Variants in CEP128 observed in about 807,000 individuals in gnomAD.
The protein encoded by CEP128 is centrosomal protein 128kDa.
Under a neutral mutation model 156.7 loss-of-function variants are expected in CEP128, and 132 were observed. The observed-to-expected ratio is 0.84, with a 90% CI of 0.73 to 0.97. The LOEUF (loss-of-function observed/expected upper bound fraction) is 0.97. CEP128 is among the 50% of genes least tolerant of loss of function. The probability of loss-of-function intolerance (pLI) is 0.00; values close to 1 mark genes in which losing one functional copy is unlikely to be tolerated. For synonymous variants in CEP128, 469 were observed against 448.9 expected, an observed-to-expected ratio of 1.04 and a Z score of -0.57; for missense variants, 1,252 against 1,281.9, an observed-to-expected ratio of 0.98 and a Z score of 0.36.
intron 19 of CEP128, among the ~76,000 whole-genome samples, chr14:80,590,754 C>T (rs949252984): frequency 6.6e-6 from 1 of 151,992 alleles, no homozygotes; most frequent in Admixed American, 6.6e-5. Context: ...GTAACAATAT[C>T]TTATGTGCTC....
In CEP128 at chr14:80,743,315, G is replaced by A. The variant is rs766235879; in HGVS notation, c.2614-48C>T. 5.2e-6 allele frequency: 7 copies of A among 1,344,716 alleles called. No homozygotes were observed. In the Admixed American group the frequency reaches 1.2e-4, roughly 23 times the overall value. The allele number at this position is 1,344,716 out of a possible 1,614,324, so 83.3% of individuals were successfully genotyped here. ...AATGGTTAAAGAAACTCAGAAAAGA[G>A]CAGCATTTCAAAACATGAAGAAAAA... On this transcript the variant is annotated intron_variant, in intron 18 of 24. Transcript: ENST00000555265.
At position 80,877,881 on chromosome 14, in the gene CEP128, A is replaced by C. The variant is rs147679711; in HGVS notation, c.646-15008T>G. ...ACAGACAAGACAATACCCACCCCCCACCGCAGGTACCTCAGGCCTCTGGCC... is the reference window on the plus strand; with the variant it reads ...ACAGACAAGACAATACCCACCCCCCCCCGCAGGTACCTCAGGCCTCTGGCC... On this transcript the variant is annotated intron_variant, in intron 8 of 24. Coordinates refer to ENST00000555265, the MANE Select transcript of CEP128 (RefSeq NM_152446.5). 6.6e-4 allele frequency among the ~76,000 whole-genome samples: 98 copies of C among 149,102 alleles called. 1 individual carries two copies. Among genetic ancestry groups the C allele is most frequent in the Middle Eastern group, 3.5e-3 (1 of 288 alleles).
At chr14:80,952,937 G>A (rs1389892238) in intron 2 of CEP128, among the ~76,000 whole-genome samples, 1 of 152,086 alleles carries the variant, frequency 6.6e-6, no homozygotes, top group Non-Finnish European at 1.5e-5. Context: ...AACTGCCCAG[G>A]CTACCTCAAG....
rs371608641 is a variant in CEP128 at position 80,689,743 on chromosome 14, C to T, written c.2806+53332G>A. On this transcript the variant is annotated intron_variant, in intron 19 of 24. Transcript: ENST00000555265. ...ATTTACAAAATTTGTATATAACAGG[C>T]TTATTACATTAGAGGCCAGGGAAGT... is the stretch of plus-strand genomic sequence containing the variant. 2.0e-5 allele frequency among the ~76,000 whole-genome samples: 3 copies of T among 151,944 alleles called. No individual in the cohort carries two copies. The South Asian group carries it at 6.2e-4, about 32-fold the overall frequency.
intron 18 of CEP128, among the ~76,000 whole-genome samples, chr14:80,750,063 A>C (rs775005457): frequency 6.6e-6 from 1 of 152,250 alleles, no homozygotes; most frequent in Non-Finnish European, 1.5e-5. Flanking sequence ...ACAGTTTTTC[A>C]ACCTCCTGTC....
Position 80,863,495 on chromosome 14 carries a change from A to T in CEP128, c.646-622T>A, listed in dbSNP as rs189931576. Among the ~76,000 whole-genome samples the T allele has an allele frequency of 4.2e-3, 640 of 152,274 alleles. 8 individuals are homozygous for T. Among genetic ancestry groups the T allele is most frequent in the African/African-American group, 0.015 (610 of 41,552 alleles). ...GTCAAACTGAAAATGTTTAATCAGG[A>T]CTCTAAACGTGAAAGAATTTTTCTC... On this transcript the variant is annotated intron_variant, in intron 8 of 24. Transcript: ENST00000555265.
intron 16 of CEP128, among the ~76,000 whole-genome samples, chr14:80,770,518 A>C (rs1900460639): frequency 1.3e-5 from 2 of 152,192 alleles, no homozygotes; most frequent in Admixed American, 1.3e-4. Flanking sequence ...TCTCTGTAAA[A>C]GTCAAGGAGT....
At chr14:80,710,684 C>T (rs1897369445) in intron 19 of CEP128, among the ~76,000 whole-genome samples, 2 of 152,046 alleles carry the variant, frequency 1.3e-5, no homozygotes, top group African/African-American at 4.8e-5. Context: ...CTACATCAAC[C>T]TGTCCAAATG....
At chr14:80,704,136 C>T (rs1022913116) in intron 19 of CEP128, among the ~76,000 whole-genome samples, 12 of 151,988 alleles carry the variant, frequency 7.9e-5, no homozygotes, top group Non-Finnish European at 1.8e-4. Flanking sequence ...TTCCTTACCA[C>T]ACAATTAAAT....
At chr14:80,784,696 G>GA (rs1901302531) in intron 15 of CEP128, among the ~76,000 whole-genome samples, 199 bp downstream of exon 15, 1 of 152,186 alleles carries the variant, frequency 6.6e-6, no homozygotes, top group Non-Finnish European at 1.5e-5. Context: ...TCAATGCTCT[G>GA]AAATAGGTGC....
At position 80,559,297 on chromosome 14, in the gene CEP128, A is replaced by G; in HGVS notation, c.2862T>C (p.Arg954=). The G allele has an allele frequency of 1.2e-6, 2 of 1,603,736 alleles. No homozygotes were observed. Among genetic ancestry groups the G allele is most frequent in the Non-Finnish European group, 1.7e-6 (2 of 1,175,986 alleles). The change falls in exon 21 of 25, where the codon CGT becomes CGC. Residue 954 remains arginine (R), a synonymous_variant. Transcript: ENST00000555265. The stretch of plus-strand genomic sequence containing the variant: ...AACTTACCGTTTCTAATGCAATTAC[A>G]CGGTCCTGCAAAGAAAGCATAATAT... The part of the protein sequence containing the change: ...KDEEMGSLQD[R]VIALETSTQV...
At chr14:80,955,704 G>C in intron 2 of CEP128, 1 of 1,614,150 alleles carries the variant, frequency 6.2e-7, no homozygotes, top group South Asian at 1.1e-5. Flanking sequence ...ACTTGCTGCA[G>C]CTGGTGCTGC....
At chr14:80,638,374 C>T (rs7149459) in intron 19 of CEP128, among the ~76,000 whole-genome samples, 19,689 of 152,052 alleles carry the variant, frequency 0.13, 1,528 homozygotes, top group East Asian at 0.34. Flanking sequence ...CTTATTATCC[C>T]AAAGAAGCAA....
intron 13 of CEP128, chr14:80,830,483 T>C: frequency 3.1e-6 from 1 of 320,834 alleles, no homozygotes; most frequent in Non-Finnish European, 5.7e-6. Context: ...CATCCATGTT[T>C]AATCTAATTT....
intron 20 of CEP128, among the ~76,000 whole-genome samples, chr14:80,561,687 T>C (rs1274497214): frequency 6.6e-6 from 1 of 152,140 alleles, no homozygotes; most frequent in East Asian, 1.9e-4. Context: ...AAATAGGCGA[T>C]TTCATATAAT....
Position 80,732,471 on chromosome 14 carries a change from G to GGTGTGTGTGTGT in CEP128, c.2806+10592_2806+10603dup, listed in dbSNP as rs10672093. 5.7e-3 allele frequency among the ~76,000 whole-genome samples: 728 copies of GGTGTGTGTGTGT among 127,708 alleles called. 13 individuals carry two copies. Among genetic ancestry groups the GGTGTGTGTGTGT allele is most frequent in the African/African-American group, 0.014 (469 of 33,564 alleles). 83.8% of individuals were successfully genotyped at this position (127,708 alleles called of 152,430 possible). ...TTCATCTGGCAGAACTGATTAAGCA[G>GGTGTGTGTGTGT]GTGTGTGTGTGTGTGTGTGTGTGTG... On this transcript the variant is annotated intron_variant, in intron 19 of 24. Coordinates refer to ENST00000555265, the MANE Select transcript of CEP128 (RefSeq NM_152446.5).
intron 19 of CEP128, among the ~76,000 whole-genome samples, chr14:80,678,064 G>GTATA (rs1274703937): frequency 1.5e-4 from 4 of 27,442 alleles, no homozygotes; most frequent in African/African-American, 3.8e-4. Context: ...ATATATATAT[G>GTATA]TATATATATA....
chr14:80,562,655 C>CTTTTTTTTTTTT (rs1170778718), intron 20 of CEP128, among the ~76,000 whole-genome samples: 8 of 114,380 alleles, frequency 7.0e-5, no homozygotes, highest in African/African-American at 1.3e-4. Context: ...CTTTTCTTTT[C>CTTTTTTTTTTTT]TTTTTTTTTT....
intron 8 of CEP128, among the ~76,000 whole-genome samples, chr14:80,883,138 T>C (rs1018442663): frequency 1.3e-5 from 2 of 152,152 alleles, no homozygotes; most frequent in South Asian, 4.1e-4. Flanking sequence ...TGCATGCCTA[T>C]ATCAAAACAT....
Sources: gnomAD v4.1 joint callset for allele counts (sites outside exome capture counted in the v4.1 genomes callset) on GRCh38, gnomAD v4.1.1 for gene constraint, MANE v1.5 for transcripts, NCBI Gene and HGNC (gene_info 2026-07-23, HGNC 2026-07-21) for gene names.